CCAR1: variants seen among roughly 807,000 people sequenced by gnomAD.
The protein encoded by CCAR1 is cell division cycle and apoptosis regulator 1.
In CCAR1, 78 loss-of-function variants were observed where a neutral mutation model predicts 163.8. That is an observed-to-expected ratio of 0.48 (90% CI 0.40 to 0.57). CCAR1 has a LOEUF of 0.57. Among genes scored for constraint, CCAR1 ranks in the 20% least tolerant of loss-of-function variants. CCAR1 has a pLI of 0.00. For missense variants in CCAR1, 1,019 were observed against 1,365.2 expected (o/e 0.75, Z 4.00); for synonymous variants, 443 against 460.7 (o/e 0.96, Z 0.49).
At chr10:68,742,784 T>C (rs1007228326) in intron 6 of CCAR1, among the ~76,000 whole-genome samples, 5 of 151,396 alleles carry the variant, frequency 3.3e-5, no homozygotes, top group Admixed American at 2.6e-4. Flanking sequence ...CTCGGCTAAT[T>C]TTTGTATCTT....
intron 2 of CCAR1, among the ~76,000 whole-genome samples, chr10:68,727,444 G>A (rs1233643465): frequency 6.6e-6 from 1 of 152,118 alleles, no homozygotes; most frequent in Non-Finnish European, 1.5e-5. Flanking sequence ...TCATAGCAGA[G>A]TCAGTGTTAG....
Position 68,771,418 on chromosome 10 carries a change from TAAA to T in CCAR1, c.2515_2517del (p.Lys839del), listed in dbSNP as rs1167921576. ...GGAGAAAATCAGGCGATGATAAAGA[TAAA>T]AAAGAAGATAGAGATGAAAGGAAGG... On this transcript the variant is annotated inframe_deletion, in exon 18 of 25. Coordinates refer to ENST00000265872, the MANE Select transcript of CCAR1 (RefSeq NM_018237.4). 1.3e-6 allele frequency: 2 copies of T among 1,583,488 alleles called. No individual in the cohort carries two copies. The highest frequency in any genetic ancestry group is 1.9e-5 in the Admixed American group (1 of 53,362).
chr10:68,787,181 A>C (rs1185292391), intron 21 of CCAR1, among the ~76,000 whole-genome samples: 1 of 152,142 alleles, frequency 6.6e-6, no homozygotes, highest in African/African-American at 2.4e-5. Flanking sequence ...ACAATATATA[A>C]AATTCTAGAT....
intron 4 of CCAR1, among the ~76,000 whole-genome samples, chr10:68,740,354 C>T (rs1230223210): frequency 6.6e-6 from 1 of 152,104 alleles, no homozygotes; most frequent in East Asian, 1.9e-4. Context: ...ACCTAGTTAT[C>T]TCTGTTACTT....
intron 17 of CCAR1, 39 bp downstream of exon 17, chr10:68,766,118 C>T (rs1157961331): frequency 8.0e-7 from 1 of 1,251,540 alleles, no homozygotes; most frequent in South Asian, 1.3e-5. Context: ...ATATAAGGTC[C>T]ACACATTATG....
rs1426069137 is a variant in CCAR1, at chr10:68,737,849, A to T, written c.251A>T (p.Tyr84Phe). Residue 84 changes from tyrosine (Y) to phenylalanine (F), a missense_variant, in exon 4 of 25, where the codon TAT becomes TTT. Transcript: ENST00000265872. ...AATTTTTTTTTAATCTTTCAGCAAT[A>T]TTCACAACCTCAGCAGGCCCTGTAT... Reference protein sequence around the residue: ...AAAAAALQQQYSQPQQALYSV... With the variant: ...AAAAAALQQQFSQPQQALYSV... 4 of 1,588,630 alleles carry T rather than the reference A, an allele frequency of 2.5e-6. No homozygotes were observed. The highest frequency in any genetic ancestry group is 1.4e-5 in the African/African-American group (1 of 73,522).
chr10:68,749,494 A>G (rs1358915288), intron 9 of CCAR1, 30 bp from the exon 10 acceptor site: 2 of 1,569,312 alleles, frequency 1.3e-6, no homozygotes, highest in Non-Finnish European at 1.7e-6. Flanking sequence ...TATTAGAAAT[A>G]TTAGTAATTT....
rs753369479 is a variant in CCAR1 at position 68,749,191 on chromosome 10, A to G, written c.882A>G (p.Arg294=). The change falls in exon 9 of 25, where the codon CGA becomes CGG. Residue 294 remains arginine (R), a synonymous_variant. Transcript: ENST00000265872. ...RIVSQPQPAR[R]LDPPSRFSGR... ...TTTCACAGCCACAACCGGCACGACG[A>G]TTAGATCCCCCATCCCGATTTTCAG... The G allele has an allele frequency of 5.0e-6, 8 of 1,613,888 alleles. No homozygotes were observed. In the East Asian group the frequency reaches 6.7e-5, roughly 13 times the overall value.
intron 17 of CCAR1, among the ~76,000 whole-genome samples, chr10:68,768,926 A>T (rs980010103): frequency 6.6e-6 from 1 of 152,222 alleles, no homozygotes; most frequent in African/African-American, 2.4e-5. Context: ...TTTAGCAAAT[A>T]TATCAGATTT....
intron 12 of CCAR1, 172 bp from the exon 13 acceptor site, chr10:68,755,198 C>T (rs778267838): frequency 6.5e-6 from 5 of 765,746 alleles, no homozygotes; most frequent in South Asian, 5.4e-5. Context: ...AAATCCTATT[C>T]CATTGCTGAA....
intron 16 of CCAR1, among the ~76,000 whole-genome samples, chr10:68,765,181 C>G (rs1273225826): frequency 6.6e-6 from 1 of 152,088 alleles, no homozygotes; most frequent in African/African-American, 2.4e-5. Context: ...TCTCCTAGTC[C>G]CAGCAGTTTC....
At position 68,756,418 on chromosome 10, in the gene CCAR1, C is replaced by T; in HGVS notation, c.1771C>T (p.Arg591Ter). Residue 591 changes from arginine to a stop codon, truncating the protein, a stop_gained, in exon 14 of 25, where the codon CGA (arginine) becomes TGA (stop). Coordinates refer to ENST00000265872, the MANE Select transcript of CCAR1 (RefSeq NM_018237.4). LOFTEE classifies it high-confidence loss of function. This position sits in a 1 kb window ranked among gnomAD's most constrained non-coding sequence, Gnocchi z 5.1. ...CCGCTCAGAGTGGGAAACCCTCTCC[C>T]GAGGATACAAGCAGCAGCTGGTCGA... ...PTRSEWETLS[R>*]GYKQQLVEKL... The T allele has an allele frequency of 1.2e-6, 2 of 1,613,822 alleles. No individual in the cohort carries two copies. The highest frequency in any genetic ancestry group is 1.7e-6 in the Non-Finnish European group (2 of 1,179,964).
intron 19 of CCAR1, among the ~76,000 whole-genome samples, chr10:68,773,305 A>G (rs2079226346): frequency 6.6e-6 from 1 of 152,154 alleles, no homozygotes; most frequent in Non-Finnish European, 1.5e-5. Flanking sequence ...TATGTCTCAT[A>G]TATAATTAAT....
intron 2 of CCAR1, among the ~76,000 whole-genome samples, chr10:68,732,486 A>G (rs772118706): frequency 5.9e-5 from 9 of 152,048 alleles, no homozygotes; most frequent in Non-Finnish European, 1.3e-4. Flanking sequence ...AGTAGCTGGT[A>G]CTACAGGTGT....
chr10:68,721,559 C>T (rs747624895), intron 1 of CCAR1: 1 of 449,404 alleles, frequency 2.2e-6, no homozygotes, highest in South Asian at 1.6e-5. Flanking sequence ...CAGTCCGCCG[C>T]CCCATTGCTC....
At chr10:68,775,443 C>G (rs1438818246) in intron 19 of CCAR1, among the ~76,000 whole-genome samples, 1 of 150,030 alleles carries the variant, frequency 6.7e-6, no homozygotes, top group Non-Finnish European at 1.5e-5. Flanking sequence ...TTAGTTGAAT[C>G]ATTAAATAGT....
rs576214261 is a variant in CCAR1, at chr10:68,755,021, C to T, written c.1458+194C>T. ...ACAACTATATCTTATTTGTACGCTACTAGTTCAACAGTCATTTTGATGTTT... is the reference window on the plus strand; with the variant it reads ...ACAACTATATCTTATTTGTACGCTATTAGTTCAACAGTCATTTTGATGTTT... On this transcript the variant is annotated intron_variant, in intron 12 of 24. Transcript: ENST00000265872. Among the ~76,000 whole-genome samples the T allele has an allele frequency of 8.4e-4, 128 of 152,276 alleles. 1 individual carries two copies. Among genetic ancestry groups the T allele is most frequent in the African/African-American group, 3.0e-3 (124 of 41,570 alleles).
intron 5 of CCAR1, among the ~76,000 whole-genome samples, chr10:68,741,393 T>C (rs2056182186): frequency 6.6e-6 from 1 of 152,230 alleles, no homozygotes; most frequent in African/African-American, 2.4e-5. Context: ...TATGTAGTGC[T>C]ACCTTAGGCT....
chr10:68,742,865 G>A (rs192940452), intron 6 of CCAR1, among the ~76,000 whole-genome samples: 88 of 152,258 alleles, frequency 5.8e-4, no homozygotes, highest in Admixed American at 3.5e-3. Context: ...TGAGCCACCC[G>A]CCTCAGCTTC....
Sources: gnomAD v4.1 joint callset for allele counts (sites outside exome capture counted in the v4.1 genomes callset) on GRCh38, gnomAD v4.1.1 for gene constraint, Gnocchi (gnomAD v3.1) non-coding constraint, MANE v1.5 for transcripts, NCBI Gene and HGNC (gene_info 2026-07-23, HGNC 2026-07-21) for gene names.